SNCAIP: variants seen among roughly 807,000 people sequenced by gnomAD.
SNCAIP encodes synuclein alpha interacting protein.
SNCAIP carries 43 observed loss-of-function variants against 86.7 expected under a neutral mutation model. The ratio of observed to expected loss-of-function variants is 0.50; its 90% CI spans 0.39 to 0.64. The LOEUF is 0.64. Ranked by LOEUF, SNCAIP falls within the 30% of genes least tolerant of loss-of-function variation. SNCAIP has a pLI of 0.00. For missense variants in SNCAIP, 981 were observed against 1,103.1 expected (o/e 0.89, Z 1.57); for synonymous variants, 417 against 427.2 (o/e 0.98, Z 0.29).
intron 5 of SNCAIP, among the ~76,000 whole-genome samples, chr5:122,429,822 G>C (rs943286717): frequency 1.3e-5 from 2 of 152,062 alleles, no homozygotes; most frequent in African/African-American, 2.4e-5. Context: ...CCCCAAAGCT[G>C]GGAAAGGGAA....
At chr5:122,419,995 A>G (rs1277916904) in intron 3 of SNCAIP, among the ~76,000 whole-genome samples, 2 of 152,184 alleles carry the variant, frequency 1.3e-5, no homozygotes, top group Non-Finnish European at 2.9e-5. Flanking sequence ...CTTCCCATCC[A>G]GGTGTATGAT....
chr5:122,446,453 C>T (rs1045041152), intron 8 of SNCAIP, among the ~76,000 whole-genome samples: 1 of 152,198 alleles, frequency 6.6e-6, no homozygotes, highest in Non-Finnish European at 1.5e-5. Flanking sequence ...GAGCTACAAT[C>T]GCTCTTTTAT....
At position 122,332,260 on chromosome 5, in the gene SNCAIP, G is replaced by A. The variant is rs554676086; in HGVS notation, c.-47+19976G>A. On this transcript the variant is annotated intron_variant, in intron 1 of 10. Coordinates refer to ENST00000261368, the MANE Select transcript of SNCAIP (RefSeq NM_005460.4). ...TCTTGCGTTTTCCCACTTAACAGTC[G>A]ACCATCAGCATCTTTTTATATTTTT... 2.0e-5 allele frequency among the ~76,000 whole-genome samples: 3 copies of A among 152,194 alleles called. No homozygotes were observed. The South Asian group carries it at 6.2e-4, about 32-fold the overall frequency.
chr5:122,423,917 A>AT (rs1310405176), intron 4 of SNCAIP, among the ~76,000 whole-genome samples, 178 bp downstream of exon 4: 1 of 152,238 alleles, frequency 6.6e-6, no homozygotes, highest in Non-Finnish European at 1.5e-5. Context: ...TATGAAGTTA[A>AT]TACAGGGAAA....
In SNCAIP at chr5:122,428,564, A is replaced by G. The variant is rs1486052595; in HGVS notation, c.1182+3033A>G. Among the ~76,000 whole-genome samples the G allele has an allele frequency of 3.5e-5, 5 of 144,778 alleles. 1 individual carries two copies. The South Asian group carries it at 1.2e-3, about 34-fold the overall frequency. 95.0% of individuals were successfully genotyped at this position (144,778 alleles called of 152,430 possible). ...ATGTTAGGCTATGAAACAAGTCTCA[A>G]TAAGTTTTTTTTTTTTTACCTTTTA... On this transcript the variant is annotated intron_variant, in intron 5 of 10. Transcript: ENST00000261368.
intron 1 of SNCAIP, among the ~76,000 whole-genome samples, chr5:122,353,228 C>G (rs1038353015): frequency 3.5e-4 from 53 of 151,950 alleles, no homozygotes; most frequent in Non-Finnish European, 1.5e-4. Context: ...GTGTACATAC[C>G]ATGTGATTCC....
At chr5:122,356,984 C>T (rs984874337) in intron 1 of SNCAIP, among the ~76,000 whole-genome samples, 1 of 152,164 alleles carries the variant, frequency 6.6e-6, no homozygotes, top group Non-Finnish European at 1.5e-5. Flanking sequence ...CTGTGCATCA[C>T]AGTAAATTCC....
intron 1 of SNCAIP, among the ~76,000 whole-genome samples, chr5:122,356,269 A>G (rs1292461282): frequency 6.6e-6 from 1 of 151,528 alleles, no homozygotes; most frequent in African/African-American, 2.4e-5. Flanking sequence ...TGGGACCACA[A>G]GTGCCTGCCA....
chr5:122,432,095 T>A lies in SNCAIP; in HGVS notation c.1296+13T>A. Reference sequence around the variant, plus strand: ...TTGCTATGGCCAGGTATGAAGGAGTTTTTTAAGTATCTTCCCTTTGTGTAC... The same window carrying A: ...TTGCTATGGCCAGGTATGAAGGAGTATTTTAAGTATCTTCCCTTTGTGTAC... On this transcript the variant is annotated intron_variant, in intron 6 of 10. Transcript: ENST00000261368. The A allele has an allele frequency of 9.3e-7, 1 of 1,080,752 alleles. No individual in the cohort carries two copies. The allele number at this position is 1,080,752 out of a possible 1,614,324, so 66.9% of individuals were successfully genotyped here.
intron 2 of SNCAIP, among the ~76,000 whole-genome samples, chr5:122,402,387 C>T (rs2152870505): frequency 6.6e-6 from 1 of 152,238 alleles, no homozygotes; most frequent in South Asian, 2.1e-4. Flanking sequence ...GGTAGTCATC[C>T]CTCCCTCTGA....
chr5:122,411,167 G>A (rs1435100294), intron 3 of SNCAIP, among the ~76,000 whole-genome samples: 1 of 152,182 alleles, frequency 6.6e-6, no homozygotes, highest in Admixed American at 6.5e-5. Flanking sequence ...GAAATCTGCA[G>A]TAAAAAAGGA....
intron 3 of SNCAIP, among the ~76,000 whole-genome samples, chr5:122,405,322 G>T (rs1050977409): frequency 6.6e-6 from 1 of 152,182 alleles, no homozygotes; most frequent in African/African-American, 2.4e-5. Context: ...AGGTTACTTT[G>T]CAGACACAAG....
intron 3 of SNCAIP, 62 bp downstream of exon 3, chr5:122,403,927 C>T (rs1030340610): frequency 7.9e-7 from 1 of 1,271,004 alleles, no homozygotes; most frequent in Non-Finnish European, 1.2e-6. Flanking sequence ...TCCTGGAAAG[C>T]TGTTTTTCCT....
intron 1 of SNCAIP, among the ~76,000 whole-genome samples, chr5:122,327,182 AT>A (rs1383563928): frequency 6.6e-6 from 1 of 152,092 alleles, no homozygotes; most frequent in Non-Finnish European, 1.5e-5. Context: ...ATTCTAAATG[AT>A]TTCACTGTTT....
At position 122,426,420 on chromosome 5, in the gene SNCAIP, G is replaced by A. The variant is rs377573163; in HGVS notation, c.1182+889G>A. ...CCTACATGTGAATTCACTAAAGAAC[G>A]TTACATTTAAAAAACCATTAACTGC... is the stretch of plus-strand genomic sequence containing the variant. On this transcript the variant is annotated intron_variant, in intron 5 of 10. Transcript: ENST00000261368. Among the ~76,000 whole-genome samples the A allele has an allele frequency of 9.2e-5, 14 of 152,164 alleles. No individual in the cohort carries two copies. In the East Asian group the frequency reaches 9.7e-4, roughly 10 times the overall value.
At chr5:122,329,488 G>A (rs2152692184) in intron 1 of SNCAIP, among the ~76,000 whole-genome samples, 1 of 152,194 alleles carries the variant, frequency 6.6e-6, no homozygotes, top group African/African-American at 2.4e-5. Flanking sequence ...ATTTCCAGTA[G>A]GGTAGGGGAA....
chr5:122,436,677 C>T (rs1408268419), intron 6 of SNCAIP: 1 of 152,026 alleles, frequency 6.6e-6, no homozygotes, highest in East Asian at 1.9e-4. Flanking sequence ...GATCACAAAG[C>T]TAACTCCTTT....
intron 6 of SNCAIP, among the ~76,000 whole-genome samples, chr5:122,439,526 T>C (rs1446563489): frequency 6.6e-6 from 1 of 152,140 alleles, no homozygotes; most frequent in Non-Finnish European, 1.5e-5. Flanking sequence ...ACATAAGGGG[T>C]GAAACATTAA....
intron 2 of SNCAIP, among the ~76,000 whole-genome samples, chr5:122,398,862 T>G (rs1771181853): frequency 6.6e-6 from 1 of 152,120 alleles, no homozygotes; most frequent in South Asian, 2.1e-4. Flanking sequence ...AACGTAGAAA[T>G]CACGCACTGT....
Sources: gnomAD v4.1 joint callset for allele counts (sites outside exome capture counted in the v4.1 genomes callset) on GRCh38, gnomAD v4.1.1 for gene constraint, MANE v1.5 for transcripts, NCBI Gene and HGNC (gene_info 2026-07-23, HGNC 2026-07-21) for gene names.